Variants in KDM4C observed in about 807,000 individuals in gnomAD.
KDM4C encodes the protein lysine demethylase 4C.
KDM4C carries 81 observed loss-of-function variants against 129.3 expected under a neutral mutation model. That is an observed-to-expected ratio of 0.63 (90% CI 0.52 to 0.75). The LOEUF is 0.75. Among genes scored for constraint, KDM4C ranks in the 30% least tolerant of loss-of-function variants. The pLI is 0.00. For synonymous variants in KDM4C, 573 were observed against 456.1 expected, an observed-to-expected ratio of 1.26 and a Z score of -3.26; for missense variants, 1,457 against 1,304.0, an observed-to-expected ratio of 1.12 and a Z score of -1.81.
At position 6,849,789 on chromosome 9, in the gene KDM4C, G is replaced by A. The variant is rs1838501546; in HGVS notation, c.629+89G>A. 4.7e-6 allele frequency: 5 copies of A among 1,052,716 alleles called. No individual in the cohort carries two copies. In the South Asian group the frequency reaches 6.5e-5, roughly 14 times the overall value. 65.2% of individuals were successfully genotyped at this position (1,052,716 alleles called of 1,614,324 possible). On this transcript the variant is annotated intron_variant, in intron 5 of 21. Coordinates refer to ENST00000381309, the MANE Select transcript of KDM4C (RefSeq NM_015061.6). ...TGAAGAGGATTTTGTTCTTTGATTT[G>A]GTGGATTCAGATTTATGTGAGCTGT...
intron 17 of KDM4C, among the ~76,000 whole-genome samples, chr9:7,068,129 T>G (rs986098735): frequency 2.0e-5 from 3 of 152,188 alleles, no homozygotes; most frequent in African/African-American, 7.2e-5. Flanking sequence ...GAAAATAACT[T>G]GGGAGGATGC....
chr9:7,105,712 G>A (rs992082951), intron 18 of KDM4C, among the ~76,000 whole-genome samples: 3 of 152,096 alleles, frequency 2.0e-5, no homozygotes, highest in Non-Finnish European at 2.9e-5. Context: ...ATACATTACC[G>A]TTTTAATATT....
chr9:7,114,009 C>T (rs1023030744), intron 18 of KDM4C, among the ~76,000 whole-genome samples: 1 of 152,162 alleles, frequency 6.6e-6, no homozygotes, highest in Non-Finnish European at 1.5e-5. Context: ...GATAAAAATA[C>T]TGATGTGAGG....
intron 4 of KDM4C, 21 bp downstream of exon 4, chr9:6,814,766 A>C: frequency 7.1e-7 from 1 of 1,400,266 alleles, no homozygotes; most frequent in East Asian, 2.3e-5. Flanking sequence ...ATTTACAGTG[A>C]GTTTTGTAAA....
rs192524204 is a variant in KDM4C, at chr9:7,000,579, G to A, written c.1786+10055G>A. 2.4e-4 allele frequency among the ~76,000 whole-genome samples: 36 copies of A among 152,232 alleles called. No individual in the cohort carries two copies. In the East Asian group the frequency reaches 6.7e-3, roughly 29 times the overall value. ...AACTACCCAGGAACAGATTTTGATA[G>A]CACAGTTTCATGGTGCATTCAATTC... On this transcript the variant is annotated intron_variant, in intron 12 of 21. Transcript: ENST00000381309.
intron 8 of KDM4C, among the ~76,000 whole-genome samples, chr9:6,941,064 C>T (rs1195462789): frequency 2.6e-5 from 4 of 151,222 alleles, no homozygotes; most frequent in Admixed American, 1.3e-4. Flanking sequence ...AAAGTCTTGC[C>T]GTGTCATCCA....
intron 18 of KDM4C, chr9:7,105,621 C>T: frequency 2.7e-6 from 1 of 366,584 alleles, no homozygotes; most frequent in African/African-American, 2.1e-5. Flanking sequence ...CTTTTTAGCT[C>T]ATACTCTATT....
At chr9:6,830,992 A>G (rs1834716344) in intron 4 of KDM4C, among the ~76,000 whole-genome samples, 2 of 152,222 alleles carry the variant, frequency 1.3e-5, no homozygotes, top group Admixed American at 1.3e-4. Flanking sequence ...TCCAGGTATT[A>G]GTGGTTAAGA....
chr9:6,919,543 CTG>C (rs2131183853), intron 8 of KDM4C, among the ~76,000 whole-genome samples: 1 of 74,744 alleles, frequency 1.3e-5, no homozygotes, highest in East Asian at 3.8e-4. Context: ...GTCTGTCTGT[CTG>C]TCTATCTATC....
rs970706736 is a variant in KDM4C, at chr9:6,952,411, G to GTGTA, written c.922-28513_922-28512insGTAT. Among the ~76,000 whole-genome samples the GTGTA allele has an allele frequency of 1.2e-3, 170 of 145,148 alleles. 1 individual carries two copies. Among genetic ancestry groups the GTGTA allele is most frequent in the African/African-American group, 3.9e-3 (155 of 39,648 alleles). ...GAAATTGTTCACAGTGTGTATGTGT[G>GTGTA]TATATATATATATATATATAATAAT... On this transcript the variant is annotated intron_variant, in intron 8 of 21. Coordinates refer to ENST00000381309, the MANE Select transcript of KDM4C (RefSeq NM_015061.6).
chr9:7,171,761 C>T (rs531920672), intron 21 of KDM4C, among the ~76,000 whole-genome samples: 1 of 152,168 alleles, frequency 6.6e-6, no homozygotes, highest in East Asian at 1.9e-4. Flanking sequence ...GAACACAGGT[C>T]CTGGATTTTC....
intron 8 of KDM4C, among the ~76,000 whole-genome samples, chr9:6,941,973 A>G (rs1429225961): frequency 2.6e-5 from 4 of 152,228 alleles, no homozygotes; most frequent in African/African-American, 9.6e-5. Context: ...AAGATTTCAC[A>G]TAACCATATG....
chr9:7,046,459 C>G (rs756502693), intron 15 of KDM4C, among the ~76,000 whole-genome samples: 1 of 151,976 alleles, frequency 6.6e-6, no homozygotes, highest in African/African-American at 2.4e-5. Context: ...CACCCTGTAT[C>G]CAGGAGTGAA....
At chr9:7,129,601 G>C (rs180731058) in intron 19 of KDM4C, among the ~76,000 whole-genome samples, 1 of 152,068 alleles carries the variant, frequency 6.6e-6, no homozygotes, top group Non-Finnish European at 1.5e-5. Context: ...CTAGGTGCTG[G>C]AAACATAAAG....
chr9:7,019,730 ATATATAAAAATATAATATTTTTAT>A (rs1824374559), intron 15 of KDM4C, among the ~76,000 whole-genome samples: 1 of 108,082 alleles, frequency 9.3e-6, no homozygotes, highest in African/African-American at 4.0e-5. Flanking sequence ...TAATATTTTT[ATATATAAAAATATAATATTTTTAT>A]ATATAAAAAT....
chr9:6,993,768 T>C (rs1198529189), intron 12 of KDM4C, among the ~76,000 whole-genome samples: 2 of 152,164 alleles, frequency 1.3e-5, no homozygotes, highest in African/African-American at 2.4e-5. Context: ...TTTCTTTCTT[T>C]CTTTGTTTTT....
chr9:6,806,197 C>G (rs1829929330), intron 3 of KDM4C, among the ~76,000 whole-genome samples: 1 of 152,078 alleles, frequency 6.6e-6, no homozygotes, highest in South Asian at 2.1e-4. Context: ...TGCTGTGTAA[C>G]AAATTATCCC....
intron 3 of KDM4C, among the ~76,000 whole-genome samples, chr9:6,807,932 G>A (rs1830387376): frequency 7.8e-6 from 1 of 128,344 alleles, no homozygotes; most frequent in Non-Finnish European, 1.7e-5. Context: ...CCCCCTCCGG[G>A]AGGGAGGTGG....
At chr9:6,840,311 T>C (rs1438930986) in intron 4 of KDM4C, among the ~76,000 whole-genome samples, 1 of 152,126 alleles carries the variant, frequency 6.6e-6, no homozygotes, top group Non-Finnish European at 1.5e-5. Context: ...GGGCTCAAGC[T>C]ATCTGCCTGC....
Sources: gnomAD v4.1 joint callset for allele counts (sites outside exome capture counted in the v4.1 genomes callset) on GRCh38, gnomAD v4.1.1 for gene constraint, MANE v1.5 for transcripts, NCBI Gene and HGNC (gene_info 2026-07-23, HGNC 2026-07-21) for gene names.